SLC24A2: variants seen among roughly 807,000 people sequenced by gnomAD.
SLC24A2 encodes the protein sodium/potassium/calcium exchanger 2.
A neutral mutation model predicts 62.0 loss-of-function variants in SLC24A2; 36 were observed. The observed-to-expected ratio is 0.58, with a 90% CI of 0.44 to 0.77. The LOEUF (loss-of-function observed/expected upper bound fraction) is 0.77. SLC24A2 is among the 30% of genes least tolerant of loss of function. The pLI is 0.00. For missense variants in SLC24A2, 846 were observed against 817.9 expected, an observed-to-expected ratio of 1.03 and a Z score of -0.42; for synonymous variants, 358 against 294.0, an observed-to-expected ratio of 1.22 and a Z score of -2.23.
chr9:20,288,143 G>A, the SLC24A2 span, among the ~76,000 whole-genome samples: 2 of 152,146 alleles, frequency 1.3e-5, no homozygotes, highest in African/African-American at 4.8e-5. Context: ...AGGAAAAGCA[G>A]TACTTAGTGA....
chr9:19,512,041 G>A lies in SLC24A2; in HGVS notation c.*4112C>T, dbSNP rs1431096126. 1 of 152,356 alleles carries A rather than the reference G, an allele frequency of 6.6e-6. No homozygotes were observed. The highest frequency in any genetic ancestry group is 1.5e-5 in the Non-Finnish European group (1 of 68,148). 9.4% of individuals were successfully genotyped at this position (152,356 alleles called of 1,614,324 possible). On this transcript the variant is annotated 3_prime_UTR_variant, in exon 11 of 11. Coordinates refer to ENST00000341998, the MANE Select transcript of SLC24A2 (RefSeq NM_020344.4). ...TCTATCTGGCCAGCCACTCTACCAGGTGTCTTTTCTTTGGTCAACTTTTTG... is the reference window on the plus strand; with the variant it reads ...TCTATCTGGCCAGCCACTCTACCAGATGTCTTTTCTTTGGTCAACTTTTTG...
chr9:19,910,118 C>G, the SLC24A2 span, among the ~76,000 whole-genome samples: 1 of 152,054 alleles, frequency 6.6e-6, no homozygotes, highest in Non-Finnish European at 1.5e-5. Flanking sequence ...TACTCTCTAG[C>G]TACCATCCAA....
the SLC24A2 span, among the ~76,000 whole-genome samples, chr9:20,094,059 G>A: frequency 6.6e-6 from 1 of 152,088 alleles, no homozygotes; most frequent in African/African-American, 2.4e-5. Flanking sequence ...ATACTAAGAG[G>A]TTATTTTCTT....
intron 5 of SLC24A2, among the ~76,000 whole-genome samples, chr9:19,596,134 C>T (rs908842239): frequency 6.6e-6 from 1 of 152,150 alleles, no homozygotes; most frequent in Non-Finnish European, 1.5e-5. Context: ...TGGAGAGGGG[C>T]TGGGAAGGGG....
chr9:19,739,588 T>C (rs1466442420), intron 2 of SLC24A2, among the ~76,000 whole-genome samples: 1 of 152,188 alleles, frequency 6.6e-6, no homozygotes, highest in African/African-American at 2.4e-5. Flanking sequence ...TTTCAATAAA[T>C]AGTAGATCAC....
At chr9:20,163,952 C>T in the SLC24A2 span, among the ~76,000 whole-genome samples, 1 of 152,098 alleles carries the variant, frequency 6.6e-6, no homozygotes, top group African/African-American at 2.4e-5. Context: ...AAACTGGATC[C>T]CTTCCTTATA....
At chr9:19,520,666 A>C (rs969642335) in intron 10 of SLC24A2, among the ~76,000 whole-genome samples, 1 of 151,948 alleles carries the variant, frequency 6.6e-6, no homozygotes, top group African/African-American at 2.4e-5. Flanking sequence ...TTCTGTATGT[A>C]GGTATGTGCT....
At chr9:19,577,047 A>T (rs1554681132) in intron 5 of SLC24A2, 25 bp from the exon 6 acceptor site, 1 of 1,583,568 alleles carries the variant, frequency 6.3e-7, no homozygotes, top group Non-Finnish European at 8.7e-7. Flanking sequence ...AGTGGCAGGA[A>T]GGAGACACAA....
chr9:19,695,583 G>C lies in SLC24A2; in HGVS notation c.931-73284C>G, dbSNP rs138574357. On this transcript the variant is annotated intron_variant, in intron 2 of 10. Transcript: ENST00000341998. ...TGAAGCTAAACCCACGTGAAACCCAGCAATTCTGCTTGTAGGGATTTGTCT... is the reference window on the plus strand; with the variant it reads ...TGAAGCTAAACCCACGTGAAACCCACCAATTCTGCTTGTAGGGATTTGTCT... Among the ~76,000 whole-genome samples, 204 of 146,910 alleles carry C rather than the reference G, an allele frequency of 1.4e-3. 1 individual carries two copies. The highest frequency in any genetic ancestry group is 4.9e-3 in the African/African-American group (193 of 39,756).
At chr9:19,651,125 T>C (rs1204829904) in intron 2 of SLC24A2, among the ~76,000 whole-genome samples, 1 of 152,156 alleles carries the variant, frequency 6.6e-6, no homozygotes, top group African/African-American at 2.4e-5. Context: ...GAAGCCCCGA[T>C]TACCTCATCT....
the SLC24A2 span, among the ~76,000 whole-genome samples, chr9:20,014,298 C>T: frequency 6.6e-6 from 1 of 151,904 alleles, no homozygotes; most frequent in Non-Finnish European, 1.5e-5. Context: ...TTAAGTACAG[C>T]CATTGTGAAA....
At chr9:19,643,245 G>T (rs1034105802) in intron 2 of SLC24A2, among the ~76,000 whole-genome samples, 1 of 152,040 alleles carries the variant, frequency 6.6e-6, no homozygotes, top group African/African-American at 2.4e-5. Flanking sequence ...ATTATCTATA[G>T]TATAAAACTA....
chr9:19,624,635 C>G (rs540064213), intron 2 of SLC24A2, among the ~76,000 whole-genome samples: 11 of 152,310 alleles, frequency 7.2e-5, no homozygotes, highest in African/African-American at 2.6e-4. Context: ...TGTTTAATGT[C>G]TGCAGTTGAC....
chr9:19,794,252 G>A, the SLC24A2 span, among the ~76,000 whole-genome samples: 1 of 152,084 alleles, frequency 6.6e-6, no homozygotes, highest in Non-Finnish European at 1.5e-5. Flanking sequence ...TGCCCAGGAA[G>A]CCCTGAAATT....
At chr9:20,069,967 G>A in the SLC24A2 span, among the ~76,000 whole-genome samples, 1 of 152,080 alleles carries the variant, frequency 6.6e-6, no homozygotes, top group South Asian at 2.1e-4. Context: ...ACAACTTACT[G>A]TCTACATTAA....
chr9:19,843,426 C>T, the SLC24A2 span, among the ~76,000 whole-genome samples: 3 of 152,196 alleles, frequency 2.0e-5, no homozygotes, highest in Non-Finnish European at 2.9e-5. Context: ...GCCAGAGAAT[C>T]GCTTGAACCT....
chr9:19,826,873 T>G, the SLC24A2 span, among the ~76,000 whole-genome samples: 1 of 152,208 alleles, frequency 6.6e-6, no homozygotes, highest in African/African-American at 2.4e-5. Flanking sequence ...CCTTGGAATG[T>G]GGTCTCCAGT....
intron 2 of SLC24A2, among the ~76,000 whole-genome samples, chr9:19,651,488 G>A (rs1032613084): frequency 2.0e-5 from 3 of 152,184 alleles, no homozygotes; most frequent in African/African-American, 7.2e-5. Context: ...AGCCAGTGAG[G>A]CCTCCTGGGA....
chr9:19,762,955 G>A (rs1447788087), intron 2 of SLC24A2, among the ~76,000 whole-genome samples: 2 of 152,188 alleles, frequency 1.3e-5, no homozygotes, highest in Middle Eastern at 3.4e-3. Flanking sequence ...CCATGAGCAC[G>A]GAATGTTTTT....
Sources: gnomAD v4.1 joint callset for allele counts (sites outside exome capture counted in the v4.1 genomes callset) on GRCh38, gnomAD v4.1.1 for gene constraint, MANE v1.5 for transcripts, NCBI Gene and HGNC (gene_info 2026-07-23, HGNC 2026-07-21) for gene names.